ENAH: variants seen among roughly 807,000 people sequenced by gnomAD.
The protein encoded by ENAH is protein enabled homolog.
A neutral mutation model predicts 78.7 loss-of-function variants in ENAH; 23 were observed. That is an observed-to-expected ratio of 0.29 (90% CI 0.21 to 0.41). The LOEUF is 0.41. ENAH is among the 10% of genes least tolerant of loss of function. ENAH has a pLI of 1.00. For synonymous variants in ENAH, 226 were observed against 241.0 expected (o/e 0.94, Z 0.58); for missense variants, 544 against 691.0 (o/e 0.79, Z 2.39).
chr1:225,625,991 T>G (rs1391399380), intron 1 of ENAH, among the ~76,000 whole-genome samples: 4 of 152,208 alleles, frequency 2.6e-5, no homozygotes, highest in African/African-American at 4.8e-5. Context: ...AAGATGCAAG[T>G]TGGACTTTAC....
intron 1 of ENAH, among the ~76,000 whole-genome samples, chr1:225,619,961 G>A (rs1008983999): frequency 3.3e-5 from 5 of 152,178 alleles, no homozygotes; most frequent in African/African-American, 1.2e-4. Flanking sequence ...AACATCTGGT[G>A]ATCTGTGACT....
At chr1:225,582,049 C>T (rs544008687) in intron 1 of ENAH, among the ~76,000 whole-genome samples, 2 of 152,002 alleles carry the variant, frequency 1.3e-5, no homozygotes, top group Non-Finnish European at 2.9e-5. Context: ...GGGGGTGGGG[C>T]CTGGTGCAAG....
At chr1:225,551,280 C>T (rs2096639417) in intron 3 of ENAH, among the ~76,000 whole-genome samples, 1 of 151,558 alleles carries the variant, frequency 6.6e-6, no homozygotes, top group South Asian at 2.1e-4. Flanking sequence ...TAATTGCATA[C>T]CAAGTTAAAA....
chr1:225,562,299 G>A (rs1373688903), intron 2 of ENAH, among the ~76,000 whole-genome samples: 2 of 151,776 alleles, frequency 1.3e-5, no homozygotes, highest in East Asian at 2.0e-4. Flanking sequence ...CAGGCCGGGC[G>A]CAGTGGCTCA....
Position 225,514,727 on chromosome 1 carries a change from G to A in ENAH, c.1087C>T (p.Pro363Ser). ...GGTGGGGCAGGAGGTGGTGGAGGAGGAGGGGGTACTTGATTAGGGAGAGGA... is the reference window on the plus strand; with the variant it reads ...GGTGGGGCAGGAGGTGGTGGAGGAGAAGGGGGTACTTGATTAGGGAGAGGA... ...PPPLPNQVPP[P>S]PPPPPAPPLP... Residue 363 changes from proline (P) to serine (S), a missense_variant, in exon 7 of 14, where the codon CCT becomes TCT. Around this residue, in one of 4 missense-constraint regions of ENAH, gnomAD observed 366 missense variants for 396.1 expected, o/e 0.92. Transcript: ENST00000366843. 1 of 1,465,758 alleles carries A rather than the reference G, an allele frequency of 6.8e-7. No individual in the cohort carries two copies. The highest frequency in any genetic ancestry group is 9.5e-7 in the Non-Finnish European group (1 of 1,056,968). The allele number at this position is 1,465,758 out of a possible 1,614,324, so 90.8% of individuals were successfully genotyped here. A position where few individuals can be genotyped will look rare whatever the true frequency, so the allele number is the denominator to read the frequency against.
intron 1 of ENAH, among the ~76,000 whole-genome samples, chr1:225,615,640 C>T (rs1448620099): frequency 6.6e-6 from 1 of 151,310 alleles, no homozygotes; most frequent in Non-Finnish European, 1.5e-5. Context: ...ATGTGGGGAG[C>T]GCCTCTGCCC....
chr1:225,638,537 T>C (rs909505133), intron 1 of ENAH, among the ~76,000 whole-genome samples: 1 of 152,218 alleles, frequency 6.6e-6, no homozygotes, highest in African/African-American at 2.4e-5. Flanking sequence ...ACATTTTTAC[T>C]TTTTTGTAAG....
intron 1 of ENAH, among the ~76,000 whole-genome samples, chr1:225,617,503 C>T (rs1656005240): frequency 1.3e-5 from 2 of 152,124 alleles, no homozygotes; most frequent in Admixed American, 1.3e-4. Context: ...GCACCCATTG[C>T]AGGTTCTTAT....
Position 225,556,636 on chromosome 1 carries a change from G to A in ENAH, c.172-1553C>T, listed in dbSNP as rs1338828127. ...TATATCTTATGCCATTCTATGAATCGCCTTTTCACTCTTAACGGTGTCTTG... is the reference window on the plus strand; with the variant it reads ...TATATCTTATGCCATTCTATGAATCACCTTTTCACTCTTAACGGTGTCTTG... On this transcript the variant is annotated intron_variant, in intron 2 of 13. Coordinates refer to ENST00000366843, the MANE Select transcript of ENAH (RefSeq NM_018212.6). 9.9e-5 allele frequency among the ~76,000 whole-genome samples: 15 copies of A among 152,090 alleles called. No individual in the cohort carries two copies. In the South Asian group the frequency reaches 2.3e-3, roughly 23 times the overall value.
intron 3 of ENAH, among the ~76,000 whole-genome samples, chr1:225,539,162 C>G (rs934704942): frequency 6.6e-6 from 1 of 152,088 alleles, no homozygotes; most frequent in African/African-American, 2.4e-5. Flanking sequence ...TTCTTTTACT[C>G]CTATTTAACC....
intron 3 of ENAH, among the ~76,000 whole-genome samples, chr1:225,549,207 C>T (rs991835237): frequency 2.6e-5 from 4 of 152,092 alleles, no homozygotes; most frequent in Non-Finnish European, 5.9e-5. Flanking sequence ...TTAGTTGTTT[C>T]GGAAAGCTAA....
At chr1:225,528,714 T>C (rs1441546316) in intron 4 of ENAH, among the ~76,000 whole-genome samples, 4 of 152,210 alleles carry the variant, frequency 2.6e-5, no homozygotes. Context: ...AGGAGTTATA[T>C]GTTTAGAATT....
intron 1 of ENAH, among the ~76,000 whole-genome samples, chr1:225,616,543 G>A (rs946854992): frequency 2.6e-5 from 4 of 151,752 alleles, no homozygotes; most frequent in Admixed American, 6.6e-5. Flanking sequence ...GTTGAAATGC[G>A]GATTCACAAG....
chr1:225,617,151 A>G (rs1247572514), intron 1 of ENAH, among the ~76,000 whole-genome samples: 1 of 152,186 alleles, frequency 6.6e-6, no homozygotes, highest in Non-Finnish European at 1.5e-5. Flanking sequence ...CTGACCTCAG[A>G]TCAACAAATG....
At chr1:225,547,469 G>A (rs2096620703) in intron 3 of ENAH, among the ~76,000 whole-genome samples, 1 of 152,122 alleles carries the variant, frequency 6.6e-6, no homozygotes, top group Non-Finnish European at 1.5e-5. Context: ...TTGGTTTCCT[G>A]TTTAAATTCA....
At chr1:225,526,167 T>C (rs1360151550) in intron 4 of ENAH, among the ~76,000 whole-genome samples, 1 of 152,180 alleles carries the variant, frequency 6.6e-6, no homozygotes, top group Non-Finnish European at 1.5e-5. Flanking sequence ...GTTTTTGTTC[T>C]CCTTCCCACT....
In ENAH at chr1:225,507,896, C is replaced by T. The variant is rs113007453; in HGVS notation, c.1538+55G>A. On this transcript the variant is annotated intron_variant, in intron 11 of 13. Coordinates refer to ENST00000366843, the MANE Select transcript of ENAH (RefSeq NM_018212.6). Reference sequence around the variant, plus strand: ...TCAATTTTTTTCTACACTAAGAATGCATTAATTTTTTTTTATACAAATAAA... The same window carrying T: ...TCAATTTTTTTCTACACTAAGAATGTATTAATTTTTTTTTATACAAATAAA... 3,157 of 1,246,000 alleles carry T rather than the reference C, an allele frequency of 2.5e-3. 47 individuals carry two copies. The African/African-American group carries it at 0.042, about 17-fold the overall frequency. The allele number at this position is 1,246,000 out of a possible 1,614,324, so 77.2% of individuals were successfully genotyped here. A position where few individuals can be genotyped will look rare whatever the true frequency, so the allele number is the denominator to read the frequency against.
At chr1:225,625,501 A>C (rs1279574661) in intron 1 of ENAH, among the ~76,000 whole-genome samples, 1 of 152,180 alleles carries the variant, frequency 6.6e-6, no homozygotes, top group Non-Finnish European at 1.5e-5. Flanking sequence ...CAGATTACTA[A>C]AACAGTCAAC....
intron 1 of ENAH, among the ~76,000 whole-genome samples, chr1:225,612,774 A>G (rs2096998057): frequency 6.6e-6 from 1 of 152,080 alleles, no homozygotes; most frequent in Non-Finnish European, 1.5e-5. Context: ...TTGCCTTCTG[A>G]GGACCAACCG....
Sources: allele counts gnomAD v4.1 joint callset (sites outside exome capture counted in the v4.1 genomes callset), GRCh38; gene constraint gnomAD v4.1.1; regional missense constraint gnomAD v4.1.1; transcripts MANE v1.5; gene names NCBI Gene and HGNC (gene_info 2026-07-23, HGNC 2026-07-21).